CDH12: variants seen among roughly 807,000 people sequenced by gnomAD.
CDH12 encodes cadherin 12.
In CDH12, 41 loss-of-function variants were observed where a neutral mutation model predicts 74.1. The ratio of observed to expected loss-of-function variants is 0.55; its 90% CI spans 0.43 to 0.72. The LOEUF is 0.72. Ranked by LOEUF, CDH12 falls within the 30% of genes least tolerant of loss-of-function variation. The probability of loss-of-function intolerance (pLI) is 0.00; values close to 1 mark genes in which losing one functional copy is unlikely to be tolerated. For missense variants in CDH12, 945 were observed against 977.2 expected (o/e 0.97, Z 0.44); for synonymous variants, 399 against 355.0 (o/e 1.12, Z -1.39).
Position 21,751,736 on chromosome 5 carries a change from CT to C in CDH12, c.2385del (p.Ter795=). ...EESYNPDKVT* is the reference protein window; with the variant it reads ...EESYNPDKVTX ...GTTGTATTTTAGCCTCCACGACTCCCTTAAGTGACTTTATCAGGGTTATAAC... is the reference window on the plus strand; with the variant it reads ...GTTGTATTTTAGCCTCCACGACTCCCTAAGTGACTTTATCAGGGTTATAAC... On this transcript the variant is annotated frameshift_variant and stop_lost, in exon 15 of 15. Coordinates refer to ENST00000382254, the MANE Select transcript of CDH12 (RefSeq NM_004061.5). LOFTEE classifies it high-confidence loss of function. 6.2e-7 allele frequency: 1 copy of C among 1,608,804 alleles called. No individual in the cohort carries two copies. The highest frequency in any genetic ancestry group is 1.1e-5 in the South Asian group (1 of 90,432).
chr5:22,375,698 G>A (rs1477737515), intron 3 of CDH12, among the ~76,000 whole-genome samples: 4 of 151,902 alleles, frequency 2.6e-5, no homozygotes, highest in Non-Finnish European at 4.4e-5. Context: ...AAAATGGTTC[G>A]ACATCATTAA....
At chr5:21,995,477 C>G (rs1736229214) in intron 5 of CDH12, among the ~76,000 whole-genome samples, 1 of 151,822 alleles carries the variant, frequency 6.6e-6, no homozygotes, top group Non-Finnish European at 1.5e-5. Context: ...TTACTGTGCT[C>G]CATGCCAGTA....
chr5:22,792,804 C>T (rs75078206), intron 1 of CDH12, among the ~76,000 whole-genome samples: 6,122 of 152,234 alleles, frequency 0.04, 397 homozygotes, highest in African/African-American at 0.14. Context: ...CAGGCTCTGG[C>T]ACAATTACAC....
chr5:22,713,829 C>G (rs796565995), intron 1 of CDH12, among the ~76,000 whole-genome samples: 82 of 152,208 alleles, frequency 5.4e-4, no homozygotes, highest in African/African-American at 1.8e-3. Context: ...TTTTAAAACT[C>G]AAACTTTCAA....
intron 2 of CDH12, among the ~76,000 whole-genome samples, chr5:22,432,417 T>C (rs1466557457): frequency 6.6e-6 from 1 of 152,150 alleles, no homozygotes; most frequent in African/African-American, 2.4e-5. Context: ...TGTATATCTA[T>C]TGAACTGTTT....
At chr5:22,662,233 T>A (rs997475620) in intron 1 of CDH12, among the ~76,000 whole-genome samples, 4 of 152,166 alleles carry the variant, frequency 2.6e-5, no homozygotes, top group Admixed American at 2.6e-4. Context: ...ACCTAAACCA[T>A]TATTTTTACC....
intron 4 of CDH12, among the ~76,000 whole-genome samples, chr5:22,127,050 G>A (rs2150282724): frequency 6.6e-6 from 1 of 152,328 alleles, no homozygotes; most frequent in East Asian, 1.9e-4. Flanking sequence ...CAAAATATGT[G>A]TGGGGTGGAT....
intron 3 of CDH12, among the ~76,000 whole-genome samples, chr5:22,288,308 A>G (rs1056068748): frequency 6.6e-5 from 10 of 152,174 alleles, no homozygotes; most frequent in Admixed American, 4.6e-4. Flanking sequence ...TGACCAATTT[A>G]TGTAATTTAT....
intron 1 of CDH12, among the ~76,000 whole-genome samples, chr5:22,736,478 A>C (rs1744734803): frequency 6.6e-6 from 1 of 151,826 alleles, no homozygotes. Context: ...ACAAAAATAT[A>C]TGCTGTTAAT....
At chr5:22,517,902 T>G (rs946364204) in intron 1 of CDH12, among the ~76,000 whole-genome samples, 2 of 152,184 alleles carry the variant, frequency 1.3e-5, no homozygotes, top group Admixed American at 1.3e-4. Context: ...ATCTCACACA[T>G]TAATACATTA....
chr5:22,209,788 T>C lies in CDH12; in HGVS notation c.-187+2710A>G, dbSNP rs147977786. Among the ~76,000 whole-genome samples the C allele has an allele frequency of 4.6e-5, 7 of 152,268 alleles. No individual in the cohort carries two copies. In the East Asian group the frequency reaches 1.4e-3, roughly 29 times the overall value. On this transcript the variant is annotated intron_variant, in intron 4 of 14. Coordinates refer to ENST00000382254, the MANE Select transcript of CDH12 (RefSeq NM_004061.5). ...TCACCTGTTCTGAAGGTAATATGAT[T>C]ACTCTGTACTATCTTAAAAATAGTC...
chr5:22,221,496 T>G (rs1752012761), intron 3 of CDH12, among the ~76,000 whole-genome samples: 2 of 152,086 alleles, frequency 1.3e-5, no homozygotes, highest in South Asian at 4.1e-4. Context: ...TATCACATGG[T>G]GTTTTATTTT....
At chr5:22,324,372 C>T (rs1280862505) in intron 3 of CDH12, among the ~76,000 whole-genome samples, 2 of 151,844 alleles carry the variant, frequency 1.3e-5, no homozygotes, top group East Asian at 3.9e-4. Flanking sequence ...CTTTATATAT[C>T]TATATGTAAT....
At chr5:22,421,394 G>A (rs1743646011) in intron 2 of CDH12, among the ~76,000 whole-genome samples, 1 of 152,020 alleles carries the variant, frequency 6.6e-6, no homozygotes, top group Admixed American at 6.6e-5. Flanking sequence ...GTGTCCATGT[G>A]TTCTCATTGT....
chr5:22,194,888 G>C (rs1750534064), intron 4 of CDH12, among the ~76,000 whole-genome samples: 1 of 152,166 alleles, frequency 6.6e-6, no homozygotes, highest in South Asian at 2.1e-4. Context: ...GGAGGTCAGA[G>C]AGGGAAACAC....
chr5:22,350,013 A>G (rs554755409), intron 3 of CDH12, among the ~76,000 whole-genome samples: 5 of 152,380 alleles, frequency 3.3e-5, no homozygotes, highest in Non-Finnish European at 7.3e-5. Context: ...TTTCTGTAAC[A>G]TATGAGGACA....
At chr5:22,673,034 C>T (rs773543749) in intron 1 of CDH12, among the ~76,000 whole-genome samples, 4 of 151,344 alleles carry the variant, frequency 2.6e-5, no homozygotes, top group Non-Finnish European at 4.4e-5. Context: ...TTTTTTTTCT[C>T]TTTTGGATCT....
intron 5 of CDH12, among the ~76,000 whole-genome samples, chr5:22,012,845 G>C (rs553760665): frequency 7.1e-6 from 1 of 141,446 alleles, no homozygotes; most frequent in Non-Finnish European, 1.5e-5. Context: ...GACCAAATTG[G>C]AGTAATAGAT....
intron 1 of CDH12, among the ~76,000 whole-genome samples, chr5:22,772,281 C>T (rs573172277): frequency 1.3e-5 from 2 of 152,038 alleles, no homozygotes; most frequent in South Asian, 4.2e-4. Context: ...CCATGAGTCA[C>T]GTGTACTCGA....
Sources: gnomAD v4.1 joint callset for allele counts (sites outside exome capture counted in the v4.1 genomes callset) on GRCh38, gnomAD v4.1.1 for gene constraint, MANE v1.5 for transcripts, NCBI Gene and HGNC (gene_info 2026-07-23, HGNC 2026-07-21) for gene names.